Variants in PDE3B observed in about 807,000 individuals in gnomAD.
PDE3B encodes the protein phosphodiesterase 3B, also known as cGMP-inhibited 3',5'-cyclic phosphodiesterase 3B.
Under a neutral mutation model 116.8 loss-of-function variants are expected in PDE3B, and 66 were observed. The observed-to-expected ratio is 0.56, with a 90% CI of 0.46 to 0.69. The LOEUF (loss-of-function observed/expected upper bound fraction) is 0.69. Among genes scored for constraint, PDE3B ranks in the 30% least tolerant of loss-of-function variants. PDE3B has a pLI of 0.00. For synonymous variants in PDE3B, 595 were observed against 533.6 expected (o/e 1.12, Z -1.59); for missense variants, 1,384 against 1,368.1 (o/e 1.01, Z -0.18).
chr11:14,769,846 A>G (rs1183512008), intron 1 of PDE3B, among the ~76,000 whole-genome samples: 1 of 148,474 alleles, frequency 6.7e-6, no homozygotes, highest in African/African-American at 2.5e-5. Flanking sequence ...CTTGGAAGTG[A>G]TAGCACCACT....
chr11:14,748,050 G>A (rs528626495), intron 1 of PDE3B, among the ~76,000 whole-genome samples: 57 of 152,224 alleles, frequency 3.7e-4, no homozygotes, highest in South Asian at 6.2e-4. Context: ...TTATTATATT[G>A]TAAATGAGTG....
At chr11:14,865,033 A>C (rs564383819) in intron 14 of PDE3B, among the ~76,000 whole-genome samples, 1 of 152,354 alleles carries the variant, frequency 6.6e-6, no homozygotes, top group African/African-American at 2.4e-5. Flanking sequence ...ACCCTTCAAA[A>C]AAATCAATGA....
At chr11:14,897,938 C>A in the PDE3B span, among the ~76,000 whole-genome samples, 1 of 152,140 alleles carries the variant, frequency 6.6e-6, no homozygotes, top group East Asian at 1.9e-4. Flanking sequence ...TCTTTTTCAT[C>A]TATCATTTAA....
intron 5 of PDE3B, among the ~76,000 whole-genome samples, chr11:14,811,903 A>G (rs1260074396): frequency 1.3e-5 from 2 of 152,168 alleles, no homozygotes; most frequent in South Asian, 2.1e-4. Context: ...CTTTGAAGCA[A>G]TTGTGAATGG....
chr11:14,783,482 C>T (rs1858094134), intron 2 of PDE3B, among the ~76,000 whole-genome samples: 2 of 152,086 alleles, frequency 1.3e-5, no homozygotes, highest in African/African-American at 4.8e-5. Flanking sequence ...AGCTGGAAAC[C>T]ATCATTCTGA....
intron 2 of PDE3B, among the ~76,000 whole-genome samples, chr11:14,785,876 T>C (rs1858174023): frequency 6.6e-6 from 1 of 152,028 alleles, no homozygotes; most frequent in South Asian, 2.1e-4. Flanking sequence ...AATAATACTT[T>C]TTGTGCTTTA....
At chr11:14,661,082 T>C (rs1853889115) in intron 1 of PDE3B, among the ~76,000 whole-genome samples, 1 of 152,216 alleles carries the variant, frequency 6.6e-6, no homozygotes. Context: ...GGACTATAAG[T>C]AGTTCAACCA....
Position 14,843,941 on chromosome 11 carries a change from T to A in PDE3B, c.2435T>A (p.Met812Lys), listed in dbSNP as rs748124469. The change falls in exon 12 of 16, where the codon ATG becomes AAG. Residue 812 changes from methionine (M) to lysine (K), a missense_variant. By Grantham distance (95) the Met-to-Lys change is moderately conservative. This residue lies in a region of PDE3B where 428 missense variants were observed against 561.4 expected (regional missense o/e 0.76). Transcript: ENST00000282096. Reference sequence around the variant, plus strand: ...TCAAACATTCCTGCATTAGAATTGATGGCTCTATACGTGGCAGCTGCCATG... The same window carrying A: ...TCAAACATTCCTGCATTAGAATTGAAGGCTCTATACGTGGCAGCTGCCATG... ...LSSNIPALEL[M>K]ALYVAAAMHD... 4.3e-6 allele frequency: 7 copies of A among 1,614,048 alleles called. No individual in the cohort carries two copies. Among genetic ancestry groups the A allele is most frequent in the African/African-American group, 1.3e-5 (1 of 74,942 alleles).
chr11:14,874,356 CTTT>C (rs1848170932), downstream of PDE3B, among the ~76,000 whole-genome samples: 1 of 152,034 alleles, frequency 6.6e-6, no homozygotes, highest in African/African-American at 2.4e-5. Flanking sequence ...ATATGAACAC[CTTT>C]TTGATAGGTG....
At chr11:14,663,292 A>C (rs1480160637) in intron 1 of PDE3B, among the ~76,000 whole-genome samples, 1 of 152,134 alleles carries the variant, frequency 6.6e-6, no homozygotes, top group Non-Finnish European at 1.5e-5. Flanking sequence ...CTGCCCTAAA[A>C]GAGCTCCTGA....
At chr11:14,683,648 A>G (rs563817726) in intron 1 of PDE3B, among the ~76,000 whole-genome samples, 3 of 150,432 alleles carry the variant, frequency 2.0e-5, no homozygotes, top group East Asian at 4.0e-4. Context: ...TTTCTCTATT[A>G]TTTTTCTGTT....
chr11:14,725,244 T>C (rs1856249377), intron 1 of PDE3B, among the ~76,000 whole-genome samples: 1 of 151,878 alleles, frequency 6.6e-6, no homozygotes, highest in East Asian at 1.9e-4. Flanking sequence ...CAGCAGCTTT[T>C]TTCTTTCTTT....
At chr11:14,801,036 C>G (rs563521331) in intron 4 of PDE3B, among the ~76,000 whole-genome samples, 1 of 152,054 alleles carries the variant, frequency 6.6e-6, no homozygotes, top group African/African-American at 2.4e-5. Context: ...ACTGATTATT[C>G]TAGTTAGCAA....
chr11:14,687,579 G>A (rs1565092307), intron 1 of PDE3B, among the ~76,000 whole-genome samples: 1 of 152,130 alleles, frequency 6.6e-6, no homozygotes, highest in Non-Finnish European at 1.5e-5. Context: ...GGTATTTTAA[G>A]CCTGTTTTAT....
rs570461416 is a variant in PDE3B, at chr11:14,668,045, G to A, written c.978+22992G>A. Among the ~76,000 whole-genome samples the A allele has an allele frequency of 5.3e-5, 8 of 151,358 alleles. No individual in the cohort carries two copies. The South Asian group carries it at 1.5e-3, about 28-fold the overall frequency. On this transcript the variant is annotated intron_variant, in intron 1 of 15. Transcript: ENST00000282096. ...TTAATGCAAGAGTAAAAAAAAAAAA[G>A]GTTTGAAGCATACAATCCTATTTCA...
intron 2 of PDE3B, among the ~76,000 whole-genome samples, chr11:14,780,469 C>T (rs190276513): frequency 4.3e-4 from 65 of 152,320 alleles, no homozygotes; most frequent in African/African-American, 1.5e-3. Context: ...AACTGTCTCT[C>T]AGACCACAGT....
intron 1 of PDE3B, among the ~76,000 whole-genome samples, chr11:14,770,516 T>G (rs1017229620): frequency 2.6e-5 from 4 of 151,584 alleles, no homozygotes; most frequent in Non-Finnish European, 4.4e-5. Context: ...ATTAACATCT[T>G]AATTTGCAAT....
At chr11:14,656,452 A>G (rs535630838) in intron 1 of PDE3B, among the ~76,000 whole-genome samples, 2 of 152,300 alleles carry the variant, frequency 1.3e-5, no homozygotes, top group South Asian at 2.1e-4. Context: ...TTTAGTGAAG[A>G]AAAGAACTGT....
chr11:14,748,064 T>A (rs1288064863), intron 1 of PDE3B, among the ~76,000 whole-genome samples: 1 of 152,246 alleles, frequency 6.6e-6, no homozygotes, highest in Non-Finnish European at 1.5e-5. Flanking sequence ...ATGAGTGTTA[T>A]AAGCGAGTTA....
Sources: gnomAD v4.1 joint callset for allele counts (sites outside exome capture counted in the v4.1 genomes callset) on GRCh38, gnomAD v4.1.1 for gene constraint, gnomAD v4.1.1 regional missense constraint, MANE v1.5 for transcripts, NCBI Gene and HGNC (gene_info 2026-07-23, HGNC 2026-07-21) for gene names.